The following PARD3 variants were observed in gnomAD, a reference collection of about 807,000 sequenced individuals.
PARD3 encodes the protein par-3 family cell polarity regulator.
In PARD3, 75 loss-of-function variants were observed where a neutral mutation model predicts 155.4. That is an observed-to-expected ratio of 0.48 (90% CI 0.40 to 0.58). The LOEUF (loss-of-function observed/expected upper bound fraction) is 0.58. Ranked by LOEUF, PARD3 falls within the 20% of genes least tolerant of loss-of-function variation. The pLI is 0.00. For synonymous variants in PARD3, 576 were observed against 610.5 expected (o/e 0.94, Z 0.83); for missense variants, 1,642 against 1,721.7 (o/e 0.95, Z 0.82).
chr10:34,382,736 C>G lies in PARD3; in HGVS notation c.1203G>C (p.Thr401=), dbSNP rs752313425. 1.4e-5 allele frequency: 22 copies of G among 1,614,098 alleles called. No individual in the cohort carries two copies. Among genetic ancestry groups the G allele is most frequent in the Non-Finnish European group, 1.5e-5 (18 of 1,180,012 alleles). The change falls in exon 9 of 25, where the codon ACG becomes ACC. Residue 401 remains threonine (T), a synonymous_variant. Coordinates refer to ENST00000374788, the MANE Select transcript of PARD3 (RefSeq NM_001184785.2). ...NRSVNSAGLH[T]VQRAPRLNHP... ...GGTTCAGTCGGGGTGCTCTCTGCAC[C>G]GTGTGAAGCCCTGCACTGTTCACAC...
At chr10:34,186,029 G>T (rs1336046699) in intron 22 of PARD3, among the ~76,000 whole-genome samples, 2 of 151,994 alleles carry the variant, frequency 1.3e-5, no homozygotes, top group East Asian at 1.9e-4. Context: ...AAAATTGCAG[G>T]GCCAGTGAAG....
intron 1 of PARD3, among the ~76,000 whole-genome samples, chr10:34,755,985 G>A (rs1212654708): frequency 2.6e-5 from 4 of 151,876 alleles, no homozygotes; most frequent in African/African-American, 9.7e-5. Context: ...GATGCCCATG[G>A]TCCTTTACTC....
intron 2 of PARD3, among the ~76,000 whole-genome samples, chr10:34,566,047 C>T (rs756332748): frequency 2.1e-4 from 32 of 152,186 alleles, no homozygotes; most frequent in Non-Finnish European, 3.8e-4. Flanking sequence ...CACAGGAGGA[C>T]GGCTGTTCTT....
intron 2 of PARD3, among the ~76,000 whole-genome samples, chr10:34,578,508 A>G (rs1564372886): frequency 6.6e-6 from 1 of 152,242 alleles, no homozygotes; most frequent in Non-Finnish European, 1.5e-5. Context: ...AGAGCAACTA[A>G]TATTTATTGA....
intron 1 of PARD3, among the ~76,000 whole-genome samples, chr10:34,734,357 A>G (rs1446062162): frequency 9.7e-6 from 1 of 102,860 alleles, no homozygotes; most frequent in East Asian, 3.0e-4. Flanking sequence ...TTTTTTTGAG[A>G]CAGAGTCTCG....
chr10:34,813,411 A>C (rs1452106371), intron 1 of PARD3, among the ~76,000 whole-genome samples: 1 of 152,176 alleles, frequency 6.6e-6, no homozygotes, highest in African/African-American at 2.4e-5. Flanking sequence ...CATAAACAAC[A>C]CTTAAAAATG....
At chr10:34,562,067 G>C (rs974384387) in intron 2 of PARD3, among the ~76,000 whole-genome samples, 3 of 146,726 alleles carry the variant, frequency 2.0e-5, no homozygotes, top group East Asian at 4.0e-4. Flanking sequence ...TGGGAGGGGG[G>C]GTGAACCGAG....
chr10:34,566,009 A>T (rs970700932), intron 2 of PARD3, among the ~76,000 whole-genome samples: 2 of 152,232 alleles, frequency 1.3e-5, no homozygotes, highest in African/African-American at 4.8e-5. Flanking sequence ...AATACATTCC[A>T]TCGATCCTGG....
chr10:34,278,167 C>T (rs1055449885), intron 21 of PARD3, among the ~76,000 whole-genome samples: 1 of 151,986 alleles, frequency 6.6e-6, no homozygotes, highest in African/African-American at 2.4e-5. Context: ...CCACACCAGC[C>T]TCCTGAGTGT....
chr10:34,782,777 A>G (rs1840405794), intron 1 of PARD3, among the ~76,000 whole-genome samples: 1 of 150,770 alleles, frequency 6.6e-6, no homozygotes, highest in African/African-American at 2.4e-5. Context: ...CCCAGGCTAG[A>G]GTGTAGTGGC....
At chr10:34,627,898 G>A (rs1156859535) in intron 2 of PARD3, among the ~76,000 whole-genome samples, 3 of 152,120 alleles carry the variant, frequency 2.0e-5, no homozygotes, top group Non-Finnish European at 2.9e-5. Context: ...GATGGGCAGA[G>A]GTGGGTACAC....
chr10:34,122,723 G>T (rs1238501196), intron 23 of PARD3, among the ~76,000 whole-genome samples: 1 of 152,168 alleles, frequency 6.6e-6, no homozygotes, highest in Non-Finnish European at 1.5e-5. Context: ...AACTAAATAA[G>T]TTCATCCCGG....
chr10:34,393,079 C>A (rs901800852), intron 7 of PARD3, among the ~76,000 whole-genome samples: 3 of 149,290 alleles, frequency 2.0e-5, no homozygotes, highest in South Asian at 2.1e-4. Flanking sequence ...TGACCCTTTA[C>A]AGAAAGTTTG....
At chr10:34,361,004 AG>A (rs1839383051) in intron 12 of PARD3, among the ~76,000 whole-genome samples, 1 of 152,246 alleles carries the variant, frequency 6.6e-6, no homozygotes, top group Admixed American at 6.5e-5. Context: ...CTTAAAACAG[AG>A]GAAGAAATGA....
chr10:34,328,064 T>A (rs1187593829), intron 19 of PARD3, among the ~76,000 whole-genome samples: 1 of 152,192 alleles, frequency 6.6e-6, no homozygotes, highest in Non-Finnish European at 1.5e-5. Flanking sequence ...CCAGCCTTCT[T>A]TCCAAAGCTG....
chr10:34,503,092 C>G (rs943520565), intron 3 of PARD3, among the ~76,000 whole-genome samples: 26 of 152,288 alleles, frequency 1.7e-4, no homozygotes, highest in South Asian at 1.2e-3. Context: ...TTAGTAGATA[C>G]TCATGTACTA....
chr10:34,804,097 G>A (rs1280365245), intron 1 of PARD3, among the ~76,000 whole-genome samples: 5 of 149,946 alleles, frequency 3.3e-5, no homozygotes, highest in Non-Finnish European at 4.4e-5. Flanking sequence ...GCAGTGGCAC[G>A]ATCTCAGCTC....
intron 12 of PARD3, among the ~76,000 whole-genome samples, chr10:34,363,800 T>C (rs748023637): frequency 6.6e-6 from 1 of 152,176 alleles, no homozygotes; most frequent in African/African-American, 2.4e-5. Context: ...CGCACATACA[T>C]GTGTGTATAC....
At chr10:34,809,650 C>T (rs555430001) in intron 1 of PARD3, among the ~76,000 whole-genome samples, 68 of 152,278 alleles carry the variant, frequency 4.5e-4, no homozygotes, top group African/African-American at 1.5e-3. Context: ...GGCTGGAAGG[C>T]AAGAGGGGTC....
Sources: allele counts gnomAD v4.1 joint callset (sites outside exome capture counted in the v4.1 genomes callset), GRCh38; gene constraint gnomAD v4.1.1; transcripts MANE v1.5; gene names NCBI Gene and HGNC (gene_info 2026-07-23, HGNC 2026-07-21).